The following GABRB1 variants were observed in gnomAD, a reference collection of about 807,000 sequenced individuals.
GABRB1 encodes gamma-aminobutyric acid type A receptor subunit beta1, also known as gamma-aminobutyric acid receptor subunit beta-1.
GABRB1 carries 17 observed loss-of-function variants against 51.6 expected under a neutral mutation model. The ratio of observed to expected loss-of-function variants is 0.33; its 90% confidence interval spans 0.23 to 0.49. The LOEUF (loss-of-function observed/expected upper bound fraction) is 0.49, where lower values mean the gene tolerates loss of function less well. Ranked by LOEUF, GABRB1 falls within the 20% of genes least tolerant of loss-of-function variation. The probability of loss-of-function intolerance (pLI) is 0.99; values close to 1 mark genes in which losing one functional copy is unlikely to be tolerated. For synonymous variants in GABRB1, 247 were observed against 218.9 expected (o/e 1.13, Z -1.14); for missense variants, 410 against 600.6 (o/e 0.68, Z 3.32).
rs1728590061 is a variant in GABRB1 at position 47,406,864 on chromosome 4, G to A, written c.1018G>A (p.Gly340Arg). 1.2e-6 allele frequency: 2 copies of A among 1,614,008 alleles called. No homozygotes were observed. Among genetic ancestry groups the A allele is most frequent in the South Asian group, 1.1e-5 (1 of 91,084 alleles). ...IFFGKGPQKK[G>R]ASKQDQSANE... The stretch of plus-strand genomic sequence containing the variant: ...CTTTGGGAAAGGCCCTCAGAAAAAG[G>A]GAGCTAGCAAACAAGACCAGAGTGC... Residue 340 changes from glycine to arginine, a missense_variant, in exon 8 of 9, where the codon GGA becomes AGA. Physicochemically the swap from Gly to Arg is moderately radical, Grantham distance 125. Coordinates refer to ENST00000295454, the MANE Select transcript of GABRB1 (RefSeq NM_000812.4).
chr4:47,091,728 T>C (rs1039072109), intron 3 of GABRB1, among the ~76,000 whole-genome samples: 5 of 152,174 alleles, frequency 3.3e-5, no homozygotes, highest in African/African-American at 9.7e-5. Context: ...TTCCCTGCCT[T>C]GTAGTGGATT....
At chr4:47,042,440 A>AT (rs1491576664) in intron 3 of GABRB1, among the ~76,000 whole-genome samples, 9,195 of 124,824 alleles carry the variant, frequency 0.074, 531 homozygotes, top group African/African-American at 0.11. Flanking sequence ...ATATATATAT[A>AT]AAATACGTGT....
At chr4:47,089,907 G>A (rs1414775111) in intron 3 of GABRB1, among the ~76,000 whole-genome samples, 2 of 152,012 alleles carry the variant, frequency 1.3e-5, no homozygotes, top group Admixed American at 6.5e-5. Context: ...AAAAATCATT[G>A]AAAAGATCTC....
intron 4 of GABRB1, among the ~76,000 whole-genome samples, chr4:47,234,519 C>A (rs1430598062): frequency 6.6e-6 from 1 of 151,940 alleles, no homozygotes; most frequent in Non-Finnish European, 1.5e-5. Flanking sequence ...CTTCCCTCAG[C>A]TTCCCCAAGT....
intron 4 of GABRB1, among the ~76,000 whole-genome samples, chr4:47,202,634 AG>A (rs1188557561): frequency 6.6e-6 from 1 of 152,190 alleles, no homozygotes; most frequent in Non-Finnish European, 1.5e-5. Flanking sequence ...GCTAATGAAA[AG>A]AAACAAGAAC....
chr4:47,133,043 T>C (rs1027861990), intron 3 of GABRB1, among the ~76,000 whole-genome samples: 2 of 152,234 alleles, frequency 1.3e-5, no homozygotes, highest in Non-Finnish European at 2.9e-5. Context: ...TCTATTCTAC[T>C]ATGTCTTAAT....
At chr4:47,280,814 A>C (rs929401056) in intron 4 of GABRB1, among the ~76,000 whole-genome samples, 6 of 124,954 alleles carry the variant, frequency 4.8e-5, no homozygotes, top group Non-Finnish European at 8.4e-5. Flanking sequence ...TGTCTGGCTA[A>C]TTTTTTTTTT....
chr4:47,232,895 G>A (rs1461610630), intron 4 of GABRB1, among the ~76,000 whole-genome samples: 1 of 144,022 alleles, frequency 6.9e-6, no homozygotes, highest in Admixed American at 7.0e-5. Context: ...TTTTTTTTGA[G>A]GCGTAGTCTC....
chr4:47,271,619 G>A (rs1722876353), intron 4 of GABRB1, among the ~76,000 whole-genome samples: 1 of 152,118 alleles, frequency 6.6e-6, no homozygotes, highest in African/African-American at 2.4e-5. Context: ...AGCCTTCTTT[G>A]TGCAGAAGGC....
intron 3 of GABRB1, among the ~76,000 whole-genome samples, chr4:47,072,847 C>A (rs1300158395): frequency 6.6e-6 from 1 of 152,052 alleles, no homozygotes; most frequent in Non-Finnish European, 1.5e-5. Flanking sequence ...ATTACACAGC[C>A]AATTTGGCAA....
rs529697646 is a variant in GABRB1 at position 47,292,742 on chromosome 4, C to G, written c.462-27385C>G. On this transcript the variant is annotated intron_variant, in intron 4 of 8. Coordinates refer to ENST00000295454, the MANE Select transcript of GABRB1 (RefSeq NM_000812.4). ...TGCGAAATCCAAGATTGAGGAGGGC[C>G]TGGCATCTGGCAAGGGCCTTCTTGC... Among the ~76,000 whole-genome samples the G allele has an allele frequency of 2.0e-5, 3 of 152,252 alleles. No individual in the cohort carries two copies. In the East Asian group the frequency reaches 5.8e-4, roughly 29 times the overall value.
In GABRB1 at chr4:47,373,367, G is replaced by T. The variant is rs1404963311; in HGVS notation, c.545-29951G>T. ...AGATGTGTCATCACACATGTTTGTA[G>T]TTCTCTCCAGAATGTAAAATACTTA... On this transcript the variant is annotated intron_variant, in intron 5 of 8. Coordinates refer to ENST00000295454, the MANE Select transcript of GABRB1 (RefSeq NM_000812.4). 2.0e-5 allele frequency among the ~76,000 whole-genome samples: 3 copies of T among 152,184 alleles called. No individual in the cohort carries two copies. In the East Asian group the frequency reaches 5.8e-4, roughly 29 times the overall value.
At chr4:47,392,914 A>G (rs1457257593) in intron 5 of GABRB1, among the ~76,000 whole-genome samples, 1 of 152,268 alleles carries the variant, frequency 6.6e-6, no homozygotes, top group African/African-American at 2.4e-5. Flanking sequence ...GCAGAAGTCC[A>G]TCTAGCTAGT....
intron 4 of GABRB1, among the ~76,000 whole-genome samples, chr4:47,215,331 T>A (rs1720513116): frequency 6.6e-6 from 1 of 152,152 alleles, no homozygotes; most frequent in Non-Finnish European, 1.5e-5. Context: ...TACAATGAGT[T>A]GTATTCAGTA....
intron 4 of GABRB1, among the ~76,000 whole-genome samples, chr4:47,163,214 C>T (rs1188130940): frequency 6.6e-6 from 1 of 151,872 alleles, no homozygotes; most frequent in African/African-American, 2.4e-5. Context: ...GCTAATACCC[C>T]CTTACTCATT....
chr4:47,036,392 C>T (rs989889488), intron 3 of GABRB1, among the ~76,000 whole-genome samples: 3 of 152,140 alleles, frequency 2.0e-5, no homozygotes, highest in African/African-American at 7.2e-5. Flanking sequence ...TAGGTCAGTG[C>T]TTCTCAATCT....
At chr4:47,411,077 G>A (rs562036031) in intron 8 of GABRB1, among the ~76,000 whole-genome samples, 101 of 152,192 alleles carry the variant, frequency 6.6e-4, no homozygotes, top group African/African-American at 2.4e-3. Flanking sequence ...AAAATTACTA[G>A]ACATAAGAAG....
intron 4 of GABRB1, among the ~76,000 whole-genome samples, chr4:47,177,629 C>T (rs1267270019): frequency 6.6e-6 from 1 of 151,878 alleles, no homozygotes; most frequent in Non-Finnish European, 1.5e-5. Flanking sequence ...GGTAGGTAAC[C>T]TGGTAAAAAA....
At chr4:47,182,312 T>G (rs1718984962) in intron 4 of GABRB1, among the ~76,000 whole-genome samples, 1 of 152,006 alleles carries the variant, frequency 6.6e-6, no homozygotes, top group South Asian at 2.1e-4. Flanking sequence ...GATAATATGA[T>G]GCAGTAGAGA....
Sources: gnomAD v4.1 joint callset for allele counts (sites outside exome capture counted in the v4.1 genomes callset) on GRCh38, gnomAD v4.1.1 for gene constraint, MANE v1.5 for transcripts, NCBI Gene and HGNC (gene_info 2026-07-23, HGNC 2026-07-21) for gene names.